LCORL: variants seen among roughly 807,000 people sequenced by gnomAD.
LCORL encodes the protein ligand-dependent nuclear receptor corepressor-like protein.
LCORL carries 41 observed loss-of-function variants against 141.8 expected under a neutral mutation model. The observed-to-expected ratio is 0.29, with a 90% CI of 0.23 to 0.38. The LOEUF (loss-of-function observed/expected upper bound fraction) is 0.38. Ranked by LOEUF, LCORL falls within the 10% of genes least tolerant of loss-of-function variation. The pLI is 1.00. For synonymous variants in LCORL, 618 were observed against 694.1 expected, an observed-to-expected ratio of 0.89 and a Z score of 1.72; for missense variants, 1,759 against 2,035.0, an observed-to-expected ratio of 0.86 and a Z score of 2.61.
At chr4:17,947,784 A>G (rs1210050803) in intron 4 of LCORL, among the ~76,000 whole-genome samples, 1 of 151,980 alleles carries the variant, frequency 6.6e-6, no homozygotes, top group Non-Finnish European at 1.5e-5. Context: ...ACAGATACCC[A>G]CGTGATATAG....
chr4:17,948,676 A>T (rs1444699929), intron 4 of LCORL, among the ~76,000 whole-genome samples: 1 of 151,984 alleles, frequency 6.6e-6, no homozygotes, highest in Non-Finnish European at 1.5e-5. Flanking sequence ...AATTAAAAGG[A>T]GGCTGAGAAT....
At chr4:17,860,504 C>T (rs1455145505) in intron 7 of LCORL, among the ~76,000 whole-genome samples, 2 of 152,254 alleles carry the variant, frequency 1.3e-5, no homozygotes, top group East Asian at 3.9e-4. Flanking sequence ...CAGGTCCCTC[C>T]CACAACACAT....
chr4:17,976,052 A>C (rs377413249), intron 1 of LCORL, among the ~76,000 whole-genome samples: 1 of 152,012 alleles, frequency 6.6e-6, no homozygotes, highest in Non-Finnish European at 1.5e-5. Flanking sequence ...TCCTTGTTCT[A>C]TTGTGTCTAC....
intron 1 of LCORL, among the ~76,000 whole-genome samples, chr4:17,988,924 C>A (rs537996514): frequency 1.1e-4 from 17 of 152,252 alleles, no homozygotes; most frequent in Admixed American, 5.9e-4. Context: ...GCAGAGATTG[C>A]GGTGAGCCGA....
chr4:17,993,688 C>T (rs1274773725), intron 1 of LCORL, among the ~76,000 whole-genome samples: 1 of 152,052 alleles, frequency 6.6e-6, no homozygotes, highest in Non-Finnish European at 1.5e-5. Flanking sequence ...CATGGAAAGT[C>T]TTGAAGAAGT....
chr4:17,975,090 C>T (rs898415737), intron 1 of LCORL, among the ~76,000 whole-genome samples: 2 of 151,802 alleles, frequency 1.3e-5, no homozygotes, highest in South Asian at 2.1e-4. Flanking sequence ...CTGCCCTTTC[C>T]TCTTTATATC....
At chr4:17,948,767 CTCA>C (rs1739273225) in intron 4 of LCORL, among the ~76,000 whole-genome samples, 1 of 151,744 alleles carries the variant, frequency 6.6e-6, no homozygotes, top group African/African-American at 2.4e-5. Context: ...TACCTTCCTC[CTCA>C]TATCAGGGAA....
intron 4 of LCORL, among the ~76,000 whole-genome samples, chr4:17,918,842 A>C (rs535769544): frequency 6.6e-6 from 1 of 152,358 alleles, no homozygotes; most frequent in African/African-American, 2.4e-5. Context: ...ATTTATTTAC[A>C]CATCTAAGAA....
chr4:17,997,881 A>T (rs764325896), intron 1 of LCORL, among the ~76,000 whole-genome samples: 5 of 152,174 alleles, frequency 3.3e-5, no homozygotes, highest in African/African-American at 4.8e-5. Flanking sequence ...AAAACAAAAT[A>T]CTCTTGCAAA....
At chr4:17,861,380 G>A (rs965452940) in intron 7 of LCORL, among the ~76,000 whole-genome samples, 29 of 152,296 alleles carry the variant, frequency 1.9e-4, no homozygotes, top group African/African-American at 4.1e-4. Flanking sequence ...TGAGTGAGCC[G>A]TACCTCGGCC....
chr4:18,012,680 A>G (rs907545485), intron 1 of LCORL, among the ~76,000 whole-genome samples: 10 of 139,820 alleles, frequency 7.2e-5, no homozygotes, highest in African/African-American at 1.7e-4. Flanking sequence ...TTTGAAGGGG[A>G]AAAAAAAATA....
At chr4:17,881,155 CTTCT>C (rs1727521270) in intron 6 of LCORL, 1 of 978,928 alleles carries the variant, frequency 1.0e-6, no homozygotes, top group South Asian at 4.7e-5. Flanking sequence ...TTCTCTTTTC[CTTCT>C]TTTTTTTTTT....
chr4:17,900,195 G>T (rs1004570307), intron 5 of LCORL, among the ~76,000 whole-genome samples: 1 of 151,846 alleles, frequency 6.6e-6, no homozygotes, highest in African/African-American at 2.4e-5. Flanking sequence ...TTAAAAAAAT[G>T]ACATTCTTTA....
intron 6 of LCORL, chr4:17,883,107 T>C: frequency 2.1e-6 from 2 of 972,702 alleles, no homozygotes; most frequent in Non-Finnish European, 2.4e-6. Flanking sequence ...TTAAATTTCA[T>C]TATACATATC....
At chr4:17,981,324 T>C (rs986802438) in intron 1 of LCORL, among the ~76,000 whole-genome samples, 3 of 152,302 alleles carry the variant, frequency 2.0e-5, no homozygotes, top group Admixed American at 6.5e-5. Flanking sequence ...TCAGCAATGT[T>C]TGAGTTCCTA....
chr4:17,937,822 G>A (rs1222082698), intron 4 of LCORL, among the ~76,000 whole-genome samples: 1 of 152,004 alleles, frequency 6.6e-6, no homozygotes, highest in Non-Finnish European at 1.5e-5. Context: ...CAATACAATA[G>A]AACAAAATCT....
intron 1 of LCORL, among the ~76,000 whole-genome samples, chr4:17,996,142 G>C (rs1485833219): frequency 6.6e-6 from 1 of 151,996 alleles, no homozygotes; most frequent in Non-Finnish European, 1.5e-5. Context: ...TCATGCCTAA[G>C]TTCTTAGGCA....
intron 6 of LCORL, chr4:17,882,066 A>G: frequency 1.0e-6 from 1 of 984,198 alleles, no homozygotes; most frequent in Non-Finnish European, 1.2e-6. Context: ...CAGAGACCAA[A>G]TAACTGCTTG....
chr4:17,936,030 C>A (rs1181598027), intron 4 of LCORL, among the ~76,000 whole-genome samples: 1 of 152,096 alleles, frequency 6.6e-6, no homozygotes, highest in Non-Finnish European at 1.5e-5. Flanking sequence ...CAAGAGTAAA[C>A]TATTCACCTA....
Sources: allele counts gnomAD v4.1 joint callset (sites outside exome capture counted in the v4.1 genomes callset), GRCh38; gene constraint gnomAD v4.1.1; transcripts MANE v1.5; gene names NCBI Gene and HGNC (gene_info 2026-07-23, HGNC 2026-07-21).